The following SPHKAP variants were observed in gnomAD, a reference collection of about 807,000 sequenced individuals.
SPHKAP encodes SPHK1 interactor, AKAP domain containing.
SPHKAP carries 67 observed loss-of-function variants against 137.5 expected under a neutral mutation model. The ratio of observed to expected loss-of-function variants is 0.49; its 90% CI spans 0.40 to 0.60. SPHKAP has a LOEUF of 0.60. SPHKAP is among the 20% of genes least tolerant of loss of function. The pLI, the probability that SPHKAP is intolerant of heterozygous loss-of-function variation, is 0.00. For missense variants in SPHKAP, 2,097 were observed against 2,069.3 expected (o/e 1.01, Z -0.26); for synonymous variants, 813 against 785.3 (o/e 1.04, Z -0.59).
chr2:228,167,532 G>C (rs918170750), intron 1 of SPHKAP, among the ~76,000 whole-genome samples: 3 of 152,132 alleles, frequency 2.0e-5, no homozygotes, highest in African/African-American at 7.2e-5. Flanking sequence ...ATTTTGCTTA[G>C]AGAAAAATGA....
intron 1 of SPHKAP, among the ~76,000 whole-genome samples, chr2:228,171,874 C>A (rs1436388129): frequency 6.6e-6 from 1 of 152,102 alleles, no homozygotes; most frequent in Non-Finnish European, 1.5e-5. Context: ...TATTGACATG[C>A]TACCAAAATC....
At chr2:228,134,530 T>C (rs1052287112) in intron 1 of SPHKAP, among the ~76,000 whole-genome samples, 6 of 152,230 alleles carry the variant, frequency 3.9e-5, no homozygotes, top group Admixed American at 3.3e-4. Context: ...GGCTGCCACT[T>C]ACTTACCCAA....
At chr2:228,123,382 G>C (rs4264556) in intron 2 of SPHKAP, among the ~76,000 whole-genome samples, 52,008 of 152,058 alleles carry the variant, frequency 0.34, 9,179 homozygotes, top group East Asian at 0.5. Flanking sequence ...GGTCAGAAGA[G>C]AGTGTTTGAG....
At chr2:228,176,574 T>TCTCC (rs1357589846) in intron 1 of SPHKAP, among the ~76,000 whole-genome samples, 1 of 152,138 alleles carries the variant, frequency 6.6e-6, no homozygotes, top group Non-Finnish European at 1.5e-5. Context: ...AAGCACCAGG[T>TCTCC]CTCCAAATAT....
At chr2:228,055,045 G>A (rs990042205) in intron 3 of SPHKAP, among the ~76,000 whole-genome samples, 2 of 148,956 alleles carry the variant, frequency 1.3e-5, no homozygotes, top group Admixed American at 6.9e-5. Flanking sequence ...AGGAGGCTGA[G>A]GCAGGAGAAT....
chr2:228,121,037 A>G (rs894474419), intron 2 of SPHKAP, among the ~76,000 whole-genome samples: 3 of 152,196 alleles, frequency 2.0e-5, no homozygotes, highest in African/African-American at 7.2e-5. Context: ...ATAAGAAGAA[A>G]CACACATGTA....
intron 3 of SPHKAP, among the ~76,000 whole-genome samples, chr2:228,048,696 G>A (rs1015959181): frequency 4.6e-5 from 7 of 152,106 alleles, no homozygotes; most frequent in African/African-American, 1.7e-4. Flanking sequence ...GTTTGTAGCC[G>A]AGAAGCAATG....
At chr2:228,145,139 C>T (rs969911192) in intron 1 of SPHKAP, among the ~76,000 whole-genome samples, 5 of 152,168 alleles carry the variant, frequency 3.3e-5, no homozygotes, top group Admixed American at 1.3e-4. Flanking sequence ...AAACCAAGAG[C>T]CAAACCTCTT....
intron 3 of SPHKAP, among the ~76,000 whole-genome samples, chr2:228,033,062 A>C (rs534942107): frequency 0.025 from 3,827 of 152,270 alleles, 66 homozygotes; most frequent in Middle Eastern, 0.12. Context: ...CTAAATGCTC[A>C]AATTAAAAGA....
chr2:228,055,870 T>C (rs974202181), intron 3 of SPHKAP, among the ~76,000 whole-genome samples: 3 of 152,342 alleles, frequency 2.0e-5, no homozygotes, highest in Middle Eastern at 3.4e-3. Context: ...TCCAGTTTCA[T>C]TGGGCATATT....
At chr2:227,998,914 C>G (rs1326920338) in intron 7 of SPHKAP, among the ~76,000 whole-genome samples, 1 of 152,104 alleles carries the variant, frequency 6.6e-6, no homozygotes, top group Non-Finnish European at 1.5e-5. Flanking sequence ...AGAGTCTGTT[C>G]CCAGGGAATA....
chr2:227,999,247 T>C (rs1026434275), intron 7 of SPHKAP, among the ~76,000 whole-genome samples: 1 of 152,094 alleles, frequency 6.6e-6, no homozygotes, highest in Admixed American at 6.5e-5. Flanking sequence ...CAGTATGCTA[T>C]GCTGCTAACA....
intron 5 of SPHKAP, among the ~76,000 whole-genome samples, chr2:228,023,111 A>C (rs1694902998): frequency 2.0e-5 from 3 of 152,190 alleles, no homozygotes; most frequent in Admixed American, 1.3e-4. Flanking sequence ...TCTCCACTAC[A>C]CATTGTCACT....
At chr2:228,144,614 G>C (rs964586937) in intron 1 of SPHKAP, among the ~76,000 whole-genome samples, 1 of 151,894 alleles carries the variant, frequency 6.6e-6, no homozygotes, top group African/African-American at 2.4e-5. Context: ...TTTAAAATGG[G>C]TGATATAAAG....
Position 228,021,973 on chromosome 2 carries a change from G to A in SPHKAP, c.442-7C>T. 6.3e-7 allele frequency: 1 copy of A among 1,576,172 alleles called. No individual in the cohort carries two copies. Among genetic ancestry groups the A allele is most frequent in the African/African-American group, 1.4e-5 (1 of 73,338 alleles). On this transcript the variant is annotated splice_region_variant and splice_polypyrimidine_tract_variant and intron_variant, in intron 5 of 11. Transcript: ENST00000392056. Reference sequence around the variant, plus strand: ...TATCTGGCAGCCAAGGGCACTAAAAGTGGAGAGAAAAGAAGGCATTTATTC... The same window carrying A: ...TATCTGGCAGCCAAGGGCACTAAAAATGGAGAGAAAAGAAGGCATTTATTC...
chr2:228,119,823 T>C (rs1217468090), intron 2 of SPHKAP, among the ~76,000 whole-genome samples: 1 of 152,142 alleles, frequency 6.6e-6, no homozygotes, highest in Non-Finnish European at 1.5e-5. Context: ...TTAATGATGA[T>C]TTTATTGGAT....
intron 3 of SPHKAP, among the ~76,000 whole-genome samples, chr2:228,095,438 A>G (rs1012387943): frequency 1.3e-5 from 2 of 152,182 alleles, no homozygotes; most frequent in African/African-American, 2.4e-5. Context: ...AAGGCAGGAG[A>G]AGAATTAAAG....
intron 1 of SPHKAP, among the ~76,000 whole-genome samples, chr2:228,160,902 A>G (rs1191988854): frequency 6.6e-6 from 1 of 152,206 alleles, no homozygotes; most frequent in Non-Finnish European, 1.5e-5. Flanking sequence ...CCCAGATAAC[A>G]TTTATGTTTC....
chr2:228,129,463 T>A (rs67966723), intron 2 of SPHKAP, among the ~76,000 whole-genome samples: 2 of 151,982 alleles, frequency 1.3e-5, no homozygotes, highest in Non-Finnish European at 2.9e-5. Context: ...TGTGAATTCA[T>A]TAAGGGTGAG....
Sources: gnomAD v4.1 joint callset for allele counts (sites outside exome capture counted in the v4.1 genomes callset) on GRCh38, gnomAD v4.1.1 for gene constraint, MANE v1.5 for transcripts, NCBI Gene and HGNC (gene_info 2026-07-23, HGNC 2026-07-21) for gene names.